CTNNA2: variants seen among roughly 807,000 people sequenced by gnomAD.
The protein encoded by CTNNA2 is catenin alpha-2.
CTNNA2 carries 42 observed loss-of-function variants against 101.0 expected under a neutral mutation model. The ratio of observed to expected loss-of-function variants is 0.42; its 90% CI spans 0.32 to 0.54. The LOEUF is 0.54. CTNNA2 is among the 20% of genes least tolerant of loss of function. The pLI, the probability that CTNNA2 is intolerant of heterozygous loss-of-function variation, is 0.14. For missense variants in CTNNA2, 871 were observed against 1,223.1 expected, an observed-to-expected ratio of 0.71 and a Z score of 4.29; for synonymous variants, 450 against 456.4, an observed-to-expected ratio of 0.99 and a Z score of 0.18.
At chr2:79,813,778 ACT>A (rs956866243) in intron 3 of CTNNA2, among the ~76,000 whole-genome samples, 1 of 152,052 alleles carries the variant, frequency 6.6e-6, no homozygotes. Flanking sequence ...AAAAAAGCAC[ACT>A]CTTATAAAAA....
chr2:80,331,495 G>A (rs1671329090), intron 7 of CTNNA2, among the ~76,000 whole-genome samples: 1 of 152,068 alleles, frequency 6.6e-6, no homozygotes, highest in Non-Finnish European at 1.5e-5. Context: ...TGCTCAGAAG[G>A]CCTAGCTTAT....
chr2:79,595,997 C>G (rs1408853572), intron 1 of CTNNA2, among the ~76,000 whole-genome samples: 4 of 151,316 alleles, frequency 2.6e-5, no homozygotes, highest in South Asian at 4.3e-4. Context: ...CTACATGCTT[C>G]TATTCCCGTC....
At chr2:79,982,372 T>C (rs1429391229) in intron 7 of CTNNA2, among the ~76,000 whole-genome samples, 1 of 127,882 alleles carries the variant, frequency 7.8e-6, no homozygotes, top group African/African-American at 3.4e-5. Flanking sequence ...ATAACATATA[T>C]ATAACATATA....
chr2:79,477,163 T>A (rs1177669057), intron 4 of CTNNA2, among the ~76,000 whole-genome samples: 2 of 89,304 alleles, frequency 2.2e-5, no homozygotes, highest in Admixed American at 2.1e-4. Context: ...TTTTTTCTTT[T>A]TTTTCTTTTT....
At chr2:79,360,057 T>G (rs1677593805) in intron 3 of CTNNA2, among the ~76,000 whole-genome samples, 1 of 152,164 alleles carries the variant, frequency 6.6e-6, no homozygotes, top group Non-Finnish European at 1.5e-5. Context: ...AAAATCTCTT[T>G]TGAGTACTTA....
Position 80,389,388 on chromosome 2 carries a change from T to C in CTNNA2, c.1057-3823T>C, listed in dbSNP as rs76952641. Among the ~76,000 whole-genome samples, 199 of 152,212 alleles carry C rather than the reference T, an allele frequency of 1.3e-3. 1 individual carries two copies. Among genetic ancestry groups the C allele is most frequent in the African/African-American group, 4.0e-3 (166 of 41,548 alleles). On this transcript the variant is annotated intron_variant, in intron 7 of 18. Transcript: ENST00000402739. ...ATGGAGGCTAATAATAGGGAGCTGA[T>C]ACTAGGAGGCAAGTCTCCGCTCCTT... is the stretch of plus-strand genomic sequence containing the variant.
intron 4 of CTNNA2, among the ~76,000 whole-genome samples, chr2:79,439,291 T>C (rs554517929): frequency 2.6e-4 from 40 of 152,312 alleles, no homozygotes; most frequent in Admixed American, 1.3e-4. Flanking sequence ...TTTTAAACAT[T>C]TGGCTAAGTG....
intron 12 of CTNNA2, among the ~76,000 whole-genome samples, chr2:80,561,953 G>A (rs1276863624): frequency 6.6e-6 from 1 of 151,596 alleles, no homozygotes; most frequent in Non-Finnish European, 1.5e-5. Flanking sequence ...TGGGATTACA[G>A]GCATGAGCCA....
At chr2:79,724,291 A>G (rs745665464) in intron 2 of CTNNA2, among the ~76,000 whole-genome samples, 5 of 151,838 alleles carry the variant, frequency 3.3e-5, no homozygotes, top group South Asian at 2.1e-4. Flanking sequence ...ACAAAACAAA[A>G]CAAAGAAACT....
At chr2:79,214,671 G>T (rs971017666) in intron 2 of CTNNA2, among the ~76,000 whole-genome samples, 2 of 152,036 alleles carry the variant, frequency 1.3e-5, no homozygotes, top group African/African-American at 4.8e-5. Flanking sequence ...TAAGGTGGGG[G>T]GATACGAGAG....
chr2:79,730,579 A>G (rs1445613562), intron 2 of CTNNA2, among the ~76,000 whole-genome samples: 2 of 151,940 alleles, frequency 1.3e-5, no homozygotes, highest in East Asian at 1.9e-4. Context: ...TGGATTATTT[A>G]TATTTTTCAT....
At chr2:79,499,013 A>G (rs1226591433) in intron 4 of CTNNA2, 1 of 152,204 alleles carries the variant, frequency 6.6e-6, no homozygotes, top group African/African-American at 2.4e-5. Context: ...ATCCAACACA[A>G]TCTGACATCC....
At chr2:79,534,817 AAT>A (rs1197551555) in intron 1 of CTNNA2, among the ~76,000 whole-genome samples, 1 of 151,950 alleles carries the variant, frequency 6.6e-6, no homozygotes, top group Non-Finnish European at 1.5e-5. Flanking sequence ...TTCCCTTTCA[AAT>A]ATGTCAAGTT....
chr2:80,051,691 CT>C (rs777207981), intron 7 of CTNNA2, among the ~76,000 whole-genome samples: 3 of 152,032 alleles, frequency 2.0e-5, no homozygotes, highest in African/African-American at 4.8e-5. Context: ...AAAAGGAACT[CT>C]TTTTCCCCCC....
chr2:80,428,664 A>G (rs1296713939), intron 9 of CTNNA2, among the ~76,000 whole-genome samples: 1 of 152,176 alleles, frequency 6.6e-6, no homozygotes, highest in Non-Finnish European at 1.5e-5. Flanking sequence ...AAACCCCTAC[A>G]CAAATGTCCT....
At chr2:80,347,581 G>A (rs911206044) in intron 7 of CTNNA2, among the ~76,000 whole-genome samples, 2 of 152,166 alleles carry the variant, frequency 1.3e-5, no homozygotes, top group Non-Finnish European at 2.9e-5. Context: ...AGGGGTAATA[G>A]TAAGAGGAGC....
chr2:80,336,055 A>C (rs988840716), intron 7 of CTNNA2, among the ~76,000 whole-genome samples: 2 of 152,184 alleles, frequency 1.3e-5, no homozygotes, highest in Non-Finnish European at 2.9e-5. Flanking sequence ...GTGCACACCC[A>C]TGTACTCATG....
chr2:79,982,232 A>ATATATATG (rs1691356875), intron 7 of CTNNA2, among the ~76,000 whole-genome samples: 7 of 97,596 alleles, frequency 7.2e-5, no homozygotes, highest in African/African-American at 3.2e-4. Context: ...ATATATATAT[A>ATATATATG]TATATATATG....
At chr2:79,956,126 G>T (rs986924062) in intron 7 of CTNNA2, among the ~76,000 whole-genome samples, 6 of 152,164 alleles carry the variant, frequency 3.9e-5, no homozygotes, top group African/African-American at 1.4e-4. Context: ...GCTATAATAA[G>T]TAGCCAGAGA....
Sources: allele counts gnomAD v4.1 joint callset (sites outside exome capture counted in the v4.1 genomes callset), GRCh38; gene constraint gnomAD v4.1.1; transcripts MANE v1.5; gene names NCBI Gene and HGNC (gene_info 2026-07-23, HGNC 2026-07-21).